ZNF609: variants seen among roughly 807,000 people sequenced by gnomAD.
ZNF609 encodes zinc finger protein 609.
In ZNF609, 11 loss-of-function variants were observed where a neutral mutation model predicts 109.5. The ratio of observed to expected loss-of-function variants is 0.10; its 90% CI spans 0.06 to 0.17. ZNF609 has a LOEUF of 0.17. ZNF609 is among the 10% of genes least tolerant of loss of function. The pLI, the probability that ZNF609 is intolerant of heterozygous loss-of-function variation, is 1.00. For missense variants in ZNF609, 1,559 were observed against 1,772.4 expected (o/e 0.88, Z 2.16); for synonymous variants, 646 against 662.0 (o/e 0.98, Z 0.37).
intron 3 of ZNF609, among the ~76,000 whole-genome samples, chr15:64,669,436 C>T (rs1366005159): frequency 6.6e-6 from 1 of 152,058 alleles, no homozygotes; most frequent in Non-Finnish European, 1.5e-5. Context: ...GTGTATATTG[C>T]TATCATTTAA....
At chr15:64,630,874 C>T (rs1416176870) in intron 3 of ZNF609, among the ~76,000 whole-genome samples, 3 of 152,162 alleles carry the variant, frequency 2.0e-5, no homozygotes, top group Admixed American at 2.0e-4. Flanking sequence ...ACAAATATTT[C>T]ATAAATAATA....
At chr15:64,636,927 T>C (rs1375727952) in intron 3 of ZNF609, among the ~76,000 whole-genome samples, 1 of 152,214 alleles carries the variant, frequency 6.6e-6, no homozygotes, top group Non-Finnish European at 1.5e-5. Context: ...CTGAAAATAA[T>C]ATAAACATGT....
intron 3 of ZNF609, among the ~76,000 whole-genome samples, chr15:64,661,514 A>G (rs1896576229): frequency 6.6e-6 from 1 of 152,228 alleles, no homozygotes; most frequent in South Asian, 2.1e-4. Context: ...AGTTGTCAAC[A>G]TCAATCAGGA....
rs541739033 is a variant in ZNF609, at chr15:64,510,141, TAGAA to T, written c.747+9981_747+9984del. 1.7e-3 allele frequency among the ~76,000 whole-genome samples: 254 copies of T among 151,904 alleles called. 1 individual carries two copies. In the Middle Eastern group the frequency reaches 0.017, roughly 10 times the overall value. On this transcript the variant is annotated intron_variant, in intron 2 of 9. Coordinates refer to ENST00000326648, the MANE Select transcript of ZNF609 (RefSeq NM_015042.2). ...GGGTGAGTACAGTACAATATTTTGATAGAAAGAAAAAGACACCATATTCACATAA... is the reference window on the plus strand; with the variant it reads ...GGGTGAGTACAGTACAATATTTTGATAGAAAAAGACACCATATTCACATAA...
chr15:64,634,894 CA>C (rs1335223826), intron 3 of ZNF609, among the ~76,000 whole-genome samples: 1 of 152,118 alleles, frequency 6.6e-6, no homozygotes, highest in Non-Finnish European at 1.5e-5. Context: ...CCTCCCCCAC[CA>C]AAAACAACAG....
At chr15:64,600,449 CAAAAAAAAAAAAAA>C (rs60948226) in intron 2 of ZNF609, among the ~76,000 whole-genome samples, 1 of 53,822 alleles carries the variant, frequency 1.9e-5, no homozygotes, top group Non-Finnish European at 3.7e-5. Flanking sequence ...GGCTGTGTCT[CAAAAAAAAAAAAAA>C]AAAGAAAAAA....
rs12441093 is a variant in ZNF609 at position 64,623,560 on chromosome 15, G to A, written c.973+508G>A. On this transcript the variant is annotated intron_variant, in intron 3 of 9. Coordinates refer to ENST00000326648, the MANE Select transcript of ZNF609 (RefSeq NM_015042.2). ...GCCTCATTGCCCAGCCACCCACACC[G>A]CTTCATGTATCTGTCACTTGGTACA... is the stretch of plus-strand genomic sequence containing the variant. Among the ~76,000 whole-genome samples, 1,458 of 152,144 alleles carry A rather than the reference G, an allele frequency of 9.6e-3. 76 individuals are homozygous for A. Among genetic ancestry groups the A allele is most frequent in the Admixed American group, 0.086 (1,319 of 15,256 alleles).
In ZNF609 at chr15:64,536,688, G is replaced by A. The variant is rs1213855760; in HGVS notation, c.747+36522G>A. On this transcript the variant is annotated intron_variant, in intron 2 of 9. Coordinates refer to ENST00000326648, the MANE Select transcript of ZNF609 (RefSeq NM_015042.2). The stretch of plus-strand genomic sequence containing the variant: ...GCTAAGGAGTTCGAGATCAGCCTGG[G>A]CAACCTAGCAAGACCTCGTCTCTAC... 5.6e-5 allele frequency among the ~76,000 whole-genome samples: 8 copies of A among 142,750 alleles called. No individual in the cohort carries two copies. The Admixed American group carries it at 5.6e-4, about 10-fold the overall frequency. The allele number at this position is 142,750 out of a possible 152,430, so 93.6% of individuals were successfully genotyped here. A position where few individuals can be genotyped will look rare whatever the true frequency, so the allele number is the denominator to read the frequency against.
intron 1 of ZNF609, among the ~76,000 whole-genome samples, chr15:64,485,578 G>T (rs1817376177): frequency 6.6e-6 from 1 of 152,236 alleles, no homozygotes; most frequent in Admixed American, 6.5e-5. Flanking sequence ...TGAGGTGGGA[G>T]GATCACTTAA....
At chr15:64,585,129 A>G (rs943657588) in intron 2 of ZNF609, among the ~76,000 whole-genome samples, 1 of 151,458 alleles carries the variant, frequency 6.6e-6, no homozygotes, top group African/African-American at 2.4e-5. Flanking sequence ...GTTTGAGACC[A>G]TCCTGGCCAA....
chr15:64,521,577 T>C (rs967754669), intron 2 of ZNF609, among the ~76,000 whole-genome samples: 1 of 152,228 alleles, frequency 6.6e-6, no homozygotes, highest in Non-Finnish European at 1.5e-5. Context: ...AGCCTATTAA[T>C]ATTCTGCTGC....
At position 64,675,268 on chromosome 15, in the gene ZNF609, C is replaced by T; in HGVS notation, c.2414C>T (p.Pro805Leu). The change falls in exon 5 of 10, where the codon CCT becomes CTT. Residue 805 changes from proline (P) to leucine (L), a missense_variant. Pro to Leu is a moderately conservative substitution (Grantham distance 98). Around this residue, in one of 4 missense-constraint regions of ZNF609, gnomAD observed 1,204 missense variants for 1,314.1 expected, o/e 0.92. Coordinates refer to ENST00000326648, the MANE Select transcript of ZNF609 (RefSeq NM_015042.2). ...IYSFTDNAPS[P>L]SIGGSSRLEN... ...AGTTTCACGGACAATGCCCCCAGCC[C>T]TTCCATTGGAGGCAGTAGCCGCCTT... The T allele has an allele frequency of 6.2e-7, 1 of 1,614,080 alleles. No individual in the cohort carries two copies.
intron 2 of ZNF609, among the ~76,000 whole-genome samples, chr15:64,590,631 T>C (rs1414566260): frequency 6.6e-6 from 1 of 150,450 alleles, no homozygotes. Flanking sequence ...ATAGAAAATA[T>C]ATATTTATTT....
chr15:64,649,453 C>A (rs1024426002), intron 3 of ZNF609, among the ~76,000 whole-genome samples: 1 of 152,090 alleles, frequency 6.6e-6, no homozygotes. Context: ...GGGAATCACA[C>A]TGAGTTGAGA....
chr15:64,614,483 T>G (rs958424904), intron 2 of ZNF609, among the ~76,000 whole-genome samples: 2 of 152,118 alleles, frequency 1.3e-5, no homozygotes, highest in African/African-American at 2.4e-5. Context: ...ATCGCCTGCC[T>G]CGGCCTCCCA....
intron 2 of ZNF609, chr15:64,529,220 G>A: frequency 1.4e-6 from 1 of 724,524 alleles, no homozygotes; most frequent in Non-Finnish European, 2.5e-6. Flanking sequence ...TGATGCAGGA[G>A]GCATTGCTGA....
intron 2 of ZNF609, among the ~76,000 whole-genome samples, chr15:64,597,579 G>A (rs1895418736): frequency 6.6e-6 from 1 of 152,140 alleles, no homozygotes; most frequent in Admixed American, 6.6e-5. Flanking sequence ...TGAAAACATG[G>A]CTTTTTCTGG....
intron 2 of ZNF609, chr15:64,529,560 G>A: frequency 1.5e-6 from 2 of 1,363,304 alleles, no homozygotes; most frequent in Non-Finnish European, 2.1e-6. Context: ...TGAGGTCAAT[G>A]AAGGGGTCAT....
intron 2 of ZNF609, among the ~76,000 whole-genome samples, chr15:64,520,676 G>A (rs1893879063): frequency 6.6e-6 from 1 of 151,796 alleles, no homozygotes. Context: ...TAAAAGGTGA[G>A]GTGAAATTAA....
Sources: allele counts gnomAD v4.1 joint callset (sites outside exome capture counted in the v4.1 genomes callset), GRCh38; gene constraint gnomAD v4.1.1; regional missense constraint gnomAD v4.1.1; transcripts MANE v1.5; gene names NCBI Gene and HGNC (gene_info 2026-07-23, HGNC 2026-07-21).